Variants in AVEN observed in about 807,000 individuals in gnomAD.
AVEN encodes the protein cell death regulator Aven.
AVEN carries 41 observed loss-of-function variants against 38.1 expected under a neutral mutation model. The observed-to-expected ratio is 1.08, with a 90% CI of 0.84 to 1.40. The LOEUF (loss-of-function observed/expected upper bound fraction) is 1.40, where lower values mean the gene tolerates loss of function less well. AVEN is among the 40% of genes most tolerant of loss of function. The pLI is 0.00. For missense variants in AVEN, 605 were observed against 438.8 expected, an observed-to-expected ratio of 1.38 and a Z score of -3.38; for synonymous variants, 206 against 171.8, an observed-to-expected ratio of 1.20 and a Z score of -1.56.
chr15:33,908,726 T>G (rs905925945), intron 2 of AVEN, among the ~76,000 whole-genome samples: 2 of 152,242 alleles, frequency 1.3e-5, no homozygotes, highest in African/African-American at 4.8e-5. Context: ...TATTCATTTA[T>G]CCATGAATAA....
chr15:34,022,561 A>G (rs1191270356), intron 1 of AVEN, among the ~76,000 whole-genome samples: 2 of 152,196 alleles, frequency 1.3e-5, no homozygotes, highest in Non-Finnish European at 2.9e-5. Context: ...AGGGTACACA[A>G]ACTTTGAGGC....
chr15:33,990,283 A>G (rs1337005811), intron 2 of AVEN, among the ~76,000 whole-genome samples: 2 of 150,982 alleles, frequency 1.3e-5, no homozygotes, highest in African/African-American at 2.4e-5. Context: ...TCAGGAGGCT[A>G]AGGCAGGAGA....
chr15:33,875,397 G>C (rs1427635782), intron 3 of AVEN, among the ~76,000 whole-genome samples: 1 of 152,168 alleles, frequency 6.6e-6, no homozygotes, highest in Non-Finnish European at 1.5e-5. Context: ...TCCTTGGGAA[G>C]AAAATATTAC....
At chr15:33,874,010 G>A (rs955371678) in intron 3 of AVEN, among the ~76,000 whole-genome samples, 14 of 151,948 alleles carry the variant, frequency 9.2e-5, no homozygotes, top group Admixed American at 7.2e-4. Context: ...CGGTTTCCCT[G>A]CCTCTAACCT....
chr15:33,862,137 G>GA (rs1397874351), downstream of AVEN, among the ~76,000 whole-genome samples: 8 of 151,948 alleles, frequency 5.3e-5, no homozygotes, highest in African/African-American at 1.7e-4. Flanking sequence ...TCATTTACAA[G>GA]AAAAAAAATA....
At chr15:33,965,221 G>GT (rs1339291467) in intron 2 of AVEN, among the ~76,000 whole-genome samples, 2 of 152,104 alleles carry the variant, frequency 1.3e-5, no homozygotes, top group Admixed American at 6.6e-5. Context: ...GTCAACAAAG[G>GT]TTTGATTTCT....
At chr15:33,961,601 C>T (rs192162940) in intron 2 of AVEN, among the ~76,000 whole-genome samples, 1,538 of 151,702 alleles carry the variant, frequency 0.01, 30 homozygotes, top group African/African-American at 0.036. Context: ...ATCACGAGGT[C>T]AGGAGATCGA....
intron 3 of AVEN, 41 bp downstream of exon 3, chr15:33,875,884 G>C (rs1891203060): frequency 6.4e-7 from 1 of 1,557,338 alleles, no homozygotes; most frequent in African/African-American, 1.4e-5. Context: ...CTTCAGCCTT[G>C]AAGAAGAGCC....
At chr15:33,899,094 G>T (rs1179089316) in intron 2 of AVEN, among the ~76,000 whole-genome samples, 1 of 152,114 alleles carries the variant, frequency 6.6e-6, no homozygotes, top group East Asian at 1.9e-4. Context: ...ATAGAAGGTG[G>T]TCACATGCCT....
At chr15:33,944,713 G>A (rs992192206) in intron 2 of AVEN, among the ~76,000 whole-genome samples, 12 of 151,992 alleles carry the variant, frequency 7.9e-5, no homozygotes, top group African/African-American at 2.9e-4. Flanking sequence ...GGAGGCTGAG[G>A]CAGGAGAATG....
At chr15:33,862,550 G>C (rs1181671511), downstream of AVEN, among the ~76,000 whole-genome samples, 1 of 152,202 alleles carries the variant, frequency 6.6e-6, no homozygotes, top group Admixed American at 6.5e-5. Flanking sequence ...TTTGGAGAAG[G>C]CATTGTCAGA....
At chr15:34,034,664 T>C (rs544266157) in intron 1 of AVEN, among the ~76,000 whole-genome samples, 2 of 152,260 alleles carry the variant, frequency 1.3e-5, no homozygotes, top group East Asian at 1.9e-4. Context: ...TGTGTTGATA[T>C]TGAAAATATG....
chr15:33,927,398 A>G (rs960196256), intron 2 of AVEN, among the ~76,000 whole-genome samples: 1 of 149,374 alleles, frequency 6.7e-6, no homozygotes, highest in African/African-American at 2.6e-5. Context: ...TAATAATAAT[A>G]GTTAATAATT....
intron 2 of AVEN, among the ~76,000 whole-genome samples, chr15:33,981,100 C>A (rs1184110147): frequency 6.7e-6 from 1 of 148,790 alleles, no homozygotes; most frequent in Non-Finnish European, 1.5e-5. Flanking sequence ...CAGTTTTGGA[C>A]AGCAACCCCT....
intron 1 of AVEN, among the ~76,000 whole-genome samples, chr15:34,018,665 G>T (rs1349500272): frequency 1.3e-5 from 2 of 152,200 alleles, no homozygotes. Flanking sequence ...CCACAGAATG[G>T]AAAGGGACTC....
chr15:34,023,008 A>T (rs568374777), intron 1 of AVEN, among the ~76,000 whole-genome samples: 126 of 152,296 alleles, frequency 8.3e-4, no homozygotes, highest in African/African-American at 2.5e-3. Context: ...CAACATGGTG[A>T]AACCCCCATC....
At chr15:33,994,097 T>A (rs1172029686) in intron 2 of AVEN, among the ~76,000 whole-genome samples, 2 of 152,248 alleles carry the variant, frequency 1.3e-5, no homozygotes, top group African/African-American at 4.8e-5. Flanking sequence ...AGTACCGGTC[T>A]GTGGCTTGTT....
rs537624432 is a variant in AVEN, at chr15:34,024,317, G to T, written c.267+14463C>A. Among the ~76,000 whole-genome samples, 3 of 152,108 alleles carry T rather than the reference G, an allele frequency of 2.0e-5. No individual in the cohort carries two copies. The East Asian group carries it at 5.8e-4, about 29-fold the overall frequency. On this transcript the variant is annotated intron_variant, in intron 1 of 5. Coordinates refer to ENST00000306730, the MANE Select transcript of AVEN (RefSeq NM_020371.3). ...TGATAAATGGTATCAAAATAAAGTA[G>T]GTATGAGATGAAGAGTGATGGGCGG...
chr15:33,930,562 T>A (rs1893803393), intron 2 of AVEN, among the ~76,000 whole-genome samples: 1 of 152,220 alleles, frequency 6.6e-6, no homozygotes, highest in Non-Finnish European at 1.5e-5. Context: ...AGCCTACATA[T>A]ACTTTCTTAC....
Sources: allele counts gnomAD v4.1 joint callset (sites outside exome capture counted in the v4.1 genomes callset), GRCh38; gene constraint gnomAD v4.1.1; transcripts MANE v1.5; gene names NCBI Gene and HGNC (gene_info 2026-07-23, HGNC 2026-07-21).